The following BAG2 variants were observed in gnomAD, a reference collection of about 807,000 sequenced individuals.
BAG2 encodes the protein BAG family molecular chaperone regulator 2.
A neutral mutation model predicts 16.4 loss-of-function variants in BAG2; 8 were observed. The ratio of observed to expected loss-of-function variants is 0.49; its 90% CI spans 0.29 to 0.88. The LOEUF is 0.88. Ranked by LOEUF, BAG2 falls within the 40% of genes least tolerant of loss-of-function variation. The probability of loss-of-function intolerance (pLI) is 0.09; values close to 1 mark genes in which losing one functional copy is unlikely to be tolerated. For missense variants in BAG2, 218 were observed against 248.9 expected (o/e 0.88, Z 0.84); for synonymous variants, 82 against 89.2 (o/e 0.92, Z 0.46).
chr6:57,173,024 C>A, intron 1 of BAG2: 1 of 687,464 alleles, frequency 1.5e-6, no homozygotes, highest in Non-Finnish European at 2.1e-6. Flanking sequence ...AAAACGCATT[C>A]GATTTAAGCT....
In BAG2 at chr6:57,188,167, T is replaced by TAAGA. The variant is rs1199484225; in HGVS notation, c.*3978_*3981dup. ...ATGGTTTCATAAAATTAAAGTTATT[T>TAAGA]AAGAGAATGAAGGGTCTTGGAAAAA... On this transcript the variant is annotated 3_prime_UTR_variant, in exon 3 of 3. Transcript: ENST00000370693. 1 of 152,150 alleles carries TAAGA rather than the reference T, an allele frequency of 6.6e-6. No individual in the cohort carries two copies. Among genetic ancestry groups the TAAGA allele is most frequent in the Non-Finnish European group, 1.5e-5 (1 of 68,000 alleles). 9.4% of individuals were successfully genotyped at this position (152,150 alleles called of 1,614,324 possible). A position where few individuals can be genotyped will look rare whatever the true frequency, so the allele number is the denominator to read the frequency against.
intron 1 of BAG2, among the ~76,000 whole-genome samples, chr6:57,174,830 T>C (rs1562639136): frequency 6.6e-6 from 1 of 152,360 alleles, no homozygotes; most frequent in African/African-American, 2.4e-5. Context: ...TTTGCTCTAA[T>C]AGTTTGATTT....
chr6:57,180,271 T>C (rs886589811), intron 1 of BAG2, among the ~76,000 whole-genome samples: 3 of 152,220 alleles, frequency 2.0e-5, no homozygotes, highest in South Asian at 2.1e-4. Flanking sequence ...AGAGATGTTA[T>C]AAAGATGTCT....
At chr6:57,174,168 T>C (rs1593189161) in intron 1 of BAG2, 1 of 1,062,098 alleles carries the variant, frequency 9.4e-7, no homozygotes, top group Non-Finnish European at 1.2e-6. Flanking sequence ...CCTCAGTTAC[T>C]TGAAGTCCCT....
Position 57,188,750 on chromosome 6 carries a change from G to A in BAG2, c.*4560G>A, listed in dbSNP as rs1764713421. On this transcript the variant is annotated 3_prime_UTR_variant, in exon 3 of 3. Coordinates refer to ENST00000370693, the MANE Select transcript of BAG2 (RefSeq NM_004282.4). ...TTTACATTACTGTGAAATAGATAAT[G>A]CCAGATCATTTCAATATAATGAAAA... 6.6e-6 allele frequency: 1 copy of A among 152,114 alleles called. No homozygotes were observed. The highest frequency in any genetic ancestry group is 1.5e-5 in the Non-Finnish European group (1 of 68,012). 9.4% of individuals were successfully genotyped at this position (152,114 alleles called of 1,614,324 possible).
intron 1 of BAG2, among the ~76,000 whole-genome samples, chr6:57,178,730 A>T (rs1301087084): frequency 6.6e-6 from 1 of 151,868 alleles, no homozygotes; most frequent in Non-Finnish European, 1.5e-5. Context: ...TCTGGTTTTC[A>T]CAGGGATAAT....
At chr6:57,179,446 G>A (rs1764375754) in intron 1 of BAG2, among the ~76,000 whole-genome samples, 1 of 152,138 alleles carries the variant, frequency 6.6e-6, no homozygotes, top group Non-Finnish European at 1.5e-5. Flanking sequence ...TATAACAGGT[G>A]GGTAACCGAA....
chr6:57,177,910 G>T (rs1248963941), intron 1 of BAG2, among the ~76,000 whole-genome samples: 2 of 152,152 alleles, frequency 1.3e-5, no homozygotes, highest in Admixed American at 6.5e-5. Context: ...CAAGACCTGG[G>T]TACTAGCTGA....
At chr6:57,177,817 C>T (rs576508260) in intron 1 of BAG2, among the ~76,000 whole-genome samples, 10 of 152,264 alleles carry the variant, frequency 6.6e-5, no homozygotes, top group African/African-American at 2.2e-4. Context: ...CCACAGTTTG[C>T]GCAAAATTGC....
intron 1 of BAG2, among the ~76,000 whole-genome samples, chr6:57,179,609 A>C (rs1217667519): frequency 6.6e-6 from 1 of 152,226 alleles, no homozygotes; most frequent in Non-Finnish European, 1.5e-5. Flanking sequence ...AGACCATCCA[A>C]ATACTGGGAA....
At position 57,183,988 on chromosome 6, in the gene BAG2, A is replaced by C; in HGVS notation, c.434A>C (p.Glu145Ala). 6.2e-7 allele frequency: 1 copy of C among 1,613,078 alleles called. No individual in the cohort carries two copies. Residue 145 changes from glutamate (E) to alanine (A), a missense_variant, in exon 3 of 3, where the codon GAG becomes GCG. By Grantham distance (107) the Glu-to-Ala change is moderately radical (BLOSUM62 -1). Around this residue, in one of 3 missense-constraint regions of BAG2, gnomAD observed 113 missense variants for 128.0 expected, o/e 0.88. Transcript: ENST00000370693. Reference sequence around the variant, plus strand: ...TCGCTCTACAGTGCATGTTCATCTGAGGTGCCACATGGGCCAGTTGATCAG... The same window carrying C: ...TCGCTCTACAGTGCATGTTCATCTGCGGTGCCACATGGGCCAGTTGATCAG... ...LMSLYSACSSEVPHGPVDQKF... is the reference protein window; with the variant it reads ...LMSLYSACSSAVPHGPVDQKF...
intron 2 of BAG2, among the ~76,000 whole-genome samples, 191 bp from the exon 3 acceptor site, chr6:57,183,587 C>T (rs984971477): frequency 6.6e-6 from 1 of 152,152 alleles, no homozygotes; most frequent in Non-Finnish European, 1.5e-5. Context: ...TGCAGATTGT[C>T]AGGAAGTGGT....
At chr6:57,172,838 G>A in intron 1 of BAG2, 28 bp downstream of exon 1, 3 of 1,449,732 alleles carry the variant, frequency 2.1e-6, no homozygotes, top group Admixed American at 5.5e-5. Context: ...GGTCTCGGGC[G>A]TTCTGCTCGC....
intron 1 of BAG2, among the ~76,000 whole-genome samples, chr6:57,176,429 T>G (rs980286288): frequency 6.6e-6 from 1 of 152,234 alleles, no homozygotes; most frequent in African/African-American, 2.4e-5. Flanking sequence ...AAATTCAATC[T>G]AAATTGGCCT....
At position 57,184,963 on chromosome 6, in the gene BAG2, C is replaced by G. The variant is rs1764582474; in HGVS notation, c.*773C>G. On this transcript the variant is annotated 3_prime_UTR_variant, in exon 3 of 3. Transcript: ENST00000370693. ...TGAGCTCTATTTTGTGTAGTTATAT[C>G]TTTATCCATTCCTCTTTTATGGACA... The G allele has an allele frequency of 6.6e-6, 1 of 152,114 alleles. No individual in the cohort carries two copies. 9.4% of individuals were successfully genotyped at this position (152,114 alleles called of 1,614,324 possible).
Position 57,188,864 on chromosome 6 carries a change from C to A in BAG2, c.*4674C>A, listed in dbSNP as rs1013716388. The A allele has an allele frequency of 1.3e-5, 2 of 151,908 alleles. No individual in the cohort carries two copies. The highest frequency in any genetic ancestry group is 2.4e-5 in the African/African-American group (1 of 41,354). The allele number at this position is 151,908 out of a possible 1,614,324, so 9.4% of individuals were successfully genotyped here. A position where few individuals can be genotyped will look rare whatever the true frequency, so the allele number is the denominator to read the frequency against. Reference sequence around the variant, plus strand: ...TTTGATCACTTAACAAGGACACACCCAGGAAATTTGATTTTCTCAACATTA... The same window carrying A: ...TTTGATCACTTAACAAGGACACACCAAGGAAATTTGATTTTCTCAACATTA... On this transcript the variant is annotated 3_prime_UTR_variant, in exon 3 of 3. Coordinates refer to ENST00000370693, the MANE Select transcript of BAG2 (RefSeq NM_004282.4).
chr6:57,179,126 G>A (rs1764367840), intron 1 of BAG2, among the ~76,000 whole-genome samples: 1 of 152,124 alleles, frequency 6.6e-6, no homozygotes, highest in South Asian at 2.1e-4. Context: ...TGTGCTTTTA[G>A]CATAAATATT....
Position 57,185,284 on chromosome 6 carries a change from A to T in BAG2, c.*1094A>T, listed in dbSNP as rs1764590673. ...ACTAAAAAGGTTGACCAGTGTGTTGATTCTTCTTTTATCTGATAAAGTGTG... is the reference window on the plus strand; with the variant it reads ...ACTAAAAAGGTTGACCAGTGTGTTGTTTCTTCTTTTATCTGATAAAGTGTG... On this transcript the variant is annotated 3_prime_UTR_variant, in exon 3 of 3. Transcript: ENST00000370693. 1.3e-5 allele frequency: 2 copies of T among 152,172 alleles called. No homozygotes were observed. The highest frequency in any genetic ancestry group is 4.1e-4 in the South Asian group (2 of 4,826). The allele number at this position is 152,172 out of a possible 1,614,324, so 9.4% of individuals were successfully genotyped here.
At chr6:57,173,146 G>A (rs530779947) in intron 1 of BAG2, 113 of 1,018,774 alleles carry the variant, frequency 1.1e-4, no homozygotes, top group Middle Eastern at 9.3e-4. Context: ...ATGCGATTAA[G>A]GACTGTGGCA....
Sources: allele counts gnomAD v4.1 joint callset (sites outside exome capture counted in the v4.1 genomes callset), GRCh38; gene constraint gnomAD v4.1.1; regional missense constraint gnomAD v4.1.1; transcripts MANE v1.5; gene names NCBI Gene and HGNC (gene_info 2026-07-23, HGNC 2026-07-21).